KCNMA1: variants seen among roughly 807,000 people sequenced by gnomAD.
The protein encoded by KCNMA1 is Calcium-activated potassium channel subunit alpha-1.
Under a neutral mutation model 140.0 loss-of-function variants are expected in KCNMA1, and 29 were observed. The ratio of observed to expected loss-of-function variants is 0.21; its 90% CI spans 0.15 to 0.28. KCNMA1 has a LOEUF of 0.28. Ranked by LOEUF, KCNMA1 falls within the 10% of genes least tolerant of loss-of-function variation. The pLI, the probability that KCNMA1 is intolerant of heterozygous loss-of-function variation, is 1.00. For missense variants in KCNMA1, 880 were observed against 1,602.2 expected, an observed-to-expected ratio of 0.55 and a Z score of 7.70; for synonymous variants, 612 against 611.9, an observed-to-expected ratio of 1.00 and a Z score of 0.00.
intron 7 of KCNMA1, among the ~76,000 whole-genome samples, chr10:77,111,751 C>G (rs1037940099): frequency 1.3e-5 from 2 of 152,188 alleles, no homozygotes; most frequent in Non-Finnish European, 2.9e-5. Context: ...AGACGAGGCT[C>G]CTTCCAGTTG....
At chr10:77,126,717 A>ACCCCCCCCCCCCCCCCCCCCCC (rs1249928637) in intron 5 of KCNMA1, among the ~76,000 whole-genome samples, 1 of 68,418 alleles carries the variant, frequency 1.5e-5, no homozygotes, top group African/African-American at 5.3e-5. Context: ...GGTGCCCCCC[A>ACCCCCCCCCCCCCCCCCCCCCC]CCCCCCCACC....
intron 21 of KCNMA1, chr10:76,952,171 G>A: frequency 1.3e-6 from 2 of 1,550,696 alleles, no homozygotes; most frequent in Admixed American, 2.0e-5. Flanking sequence ...TGCCACAAGT[G>A]GTAACATCAG....
At chr10:77,580,807 A>C (rs2075664197) in intron 1 of KCNMA1, among the ~76,000 whole-genome samples, 1 of 152,224 alleles carries the variant, frequency 6.6e-6, no homozygotes, top group Admixed American at 6.5e-5. Context: ...CCAATGACCC[A>C]AAAAGAAGCT....
intron 11 of KCNMA1, 135 bp downstream of exon 11, chr10:77,086,353 T>G (rs554520001): frequency 2.5e-4 from 180 of 723,566 alleles, no homozygotes; most frequent in South Asian, 1.4e-3. Flanking sequence ...TGCTGGTATG[T>G]GATTGATCTC....
intron 1 of KCNMA1, among the ~76,000 whole-genome samples, chr10:77,593,204 T>C (rs548838173): frequency 6.6e-6 from 1 of 152,268 alleles, no homozygotes; most frequent in South Asian, 2.1e-4. Flanking sequence ...TTCCCATGTC[T>C]AGCCCTTCAG....
At chr10:77,094,674 T>A (rs982460134) in intron 9 of KCNMA1, among the ~76,000 whole-genome samples, 3 of 152,154 alleles carry the variant, frequency 2.0e-5, no homozygotes, top group African/African-American at 7.2e-5. Flanking sequence ...TGCAAAGTGA[T>A]GCAAATGTCC....
At chr10:76,875,654 G>C (rs538771786), downstream of KCNMA1, 8 of 152,262 alleles carry the variant, frequency 5.3e-5, no homozygotes, top group Admixed American at 4.6e-4. Flanking sequence ...TGGTTATTAC[G>C]AGCAGGAGTG....
In KCNMA1 at chr10:77,334,212, C is replaced by T. The variant is rs1602997026; in HGVS notation, c.540+69650G>A. 2.0e-5 allele frequency among the ~76,000 whole-genome samples: 3 copies of T among 152,134 alleles called. No homozygotes were observed. In the South Asian group the frequency reaches 6.2e-4, roughly 32 times the overall value. Reference sequence around the variant, plus strand: ...GGATTTTTATCTCATTCGCTCACCGCTCTACTCCCACCACCTAGAACTGGT... The same window carrying T: ...GGATTTTTATCTCATTCGCTCACCGTTCTACTCCCACCACCTAGAACTGGT... On this transcript the variant is annotated intron_variant, in intron 2 of 27. Transcript: ENST00000286628.
intron 2 of KCNMA1, among the ~76,000 whole-genome samples, chr10:77,311,308 G>A (rs2079207730): frequency 6.6e-6 from 1 of 152,198 alleles, no homozygotes; most frequent in Non-Finnish European, 1.5e-5. Context: ...AGCAGGACCA[G>A]TAGCAGCCCC....
chr10:77,123,253 G>C (rs941106411), intron 5 of KCNMA1, among the ~76,000 whole-genome samples: 1 of 118,116 alleles, frequency 8.5e-6, no homozygotes, highest in Non-Finnish European at 1.7e-5. Flanking sequence ...AGAATTTTTA[G>C]ACAAACAGAA....
chr10:77,015,310 C>G (rs920073327), intron 17 of KCNMA1, among the ~76,000 whole-genome samples: 12 of 152,094 alleles, frequency 7.9e-5, no homozygotes, highest in Non-Finnish European at 1.8e-4. Context: ...TGGCACACGA[C>G]AGCCTCTCTC....
At chr10:77,174,547 G>A (rs565270652) in intron 5 of KCNMA1, among the ~76,000 whole-genome samples, 2 of 152,228 alleles carry the variant, frequency 1.3e-5, no homozygotes, top group Admixed American at 6.5e-5. Flanking sequence ...CTGGTAGGAT[G>A]GAGGAACTGA....
chr10:76,914,129 C>A (rs1237150326), intron 24 of KCNMA1: 1 of 1,549,904 alleles, frequency 6.5e-7, no homozygotes, highest in African/African-American at 1.4e-5. Context: ...GGCAACTTGC[C>A]CGGTTTAGCT....
intron 9 of KCNMA1, among the ~76,000 whole-genome samples, chr10:77,094,685 A>G (rs1380610245): frequency 6.6e-6 from 1 of 152,094 alleles, no homozygotes; most frequent in East Asian, 1.9e-4. Flanking sequence ...GCAAATGTCC[A>G]TTTTATTTTA....
At chr10:77,376,352 G>A (rs888958028) in intron 2 of KCNMA1, 1 of 152,108 alleles carries the variant, frequency 6.6e-6, no homozygotes, top group African/African-American at 2.4e-5. Flanking sequence ...CTGGGGGAGA[G>A]GGGGAGATAA....
chr10:77,633,142 C>T (rs552028332), intron 1 of KCNMA1, among the ~76,000 whole-genome samples: 1 of 152,254 alleles, frequency 6.6e-6, no homozygotes, highest in South Asian at 2.1e-4. Flanking sequence ...TGGTGAAACC[C>T]CGTCTCTACT....
At chr10:77,555,970 A>G (rs897107221) in intron 1 of KCNMA1, among the ~76,000 whole-genome samples, 3 of 152,218 alleles carry the variant, frequency 2.0e-5, no homozygotes, top group Admixed American at 1.3e-4. Context: ...TAAAGCAGCA[A>G]TTGCAAAATG....
chr10:76,993,765 C>A (rs2083432404), intron 19 of KCNMA1, among the ~76,000 whole-genome samples: 1 of 152,232 alleles, frequency 6.6e-6, no homozygotes, highest in African/African-American at 2.4e-5. Context: ...TGTCTAAAGA[C>A]TTTCTATCAT....
intron 9 of KCNMA1, among the ~76,000 whole-genome samples, chr10:77,103,658 T>C (rs2097144711): frequency 6.6e-6 from 1 of 152,230 alleles, no homozygotes; most frequent in Non-Finnish European, 1.5e-5. Flanking sequence ...ATTCTCACTT[T>C]AGGTGTGGTT....
Sources: allele counts gnomAD v4.1 joint callset (sites outside exome capture counted in the v4.1 genomes callset), GRCh38; gene constraint gnomAD v4.1.1; transcripts MANE v1.5; gene names NCBI Gene and HGNC (gene_info 2026-07-23, HGNC 2026-07-21).